The following XDH variants were observed in gnomAD, a reference collection of about 807,000 sequenced individuals.
XDH encodes xanthine dehydrogenase.
XDH carries 138 observed loss-of-function variants against 156.1 expected under a neutral mutation model. The observed-to-expected ratio is 0.88, with a 90% CI of 0.77 to 1.02. XDH has a LOEUF of 1.02. Ranked by LOEUF, XDH falls within the 50% of genes least tolerant of loss-of-function variation. The pLI, the probability that XDH is intolerant of heterozygous loss-of-function variation, is 0.00. For missense variants in XDH, 1,849 were observed against 1,684.9 expected (o/e 1.10, Z -1.71); for synonymous variants, 669 against 625.7 (o/e 1.07, Z -1.03).
intron 34 of XDH, 51 bp downstream of exon 34, chr2:31,339,437 GC>G: frequency 6.2e-7 from 1 of 1,611,870 alleles, no homozygotes; most frequent in Non-Finnish European, 8.5e-7. Context: ...ACCCGCTGGG[GC>G]CTCCCCCAGG....
intron 22 of XDH, among the ~76,000 whole-genome samples, 197 bp downstream of exon 22, chr2:31,365,779 T>C (rs1488876432): frequency 6.6e-6 from 1 of 152,178 alleles, no homozygotes; most frequent in Non-Finnish European, 1.5e-5. Flanking sequence ...CAGAGGTGGA[T>C]ACCTGTGCCA....
rs1200470634 is a variant in XDH at position 31,405,784 on chromosome 2, T to C, written c.100+123A>G. The C allele has an allele frequency of 7.7e-6, 8 of 1,044,736 alleles. 1 individual carries two copies. The Admixed American group carries it at 1.4e-4, about 18-fold the overall frequency. The allele number at this position is 1,044,736 out of a possible 1,614,324, so 64.7% of individuals were successfully genotyped here. A position where few individuals can be genotyped will look rare whatever the true frequency, so the allele number is the denominator to read the frequency against. ...AAAATGCAAGTGTCCCAAGTCCTAA[T>C]CCAGTGCTCTTTCCTCCACACCTCA... is the stretch of plus-strand genomic sequence containing the variant. On this transcript the variant is annotated intron_variant, in intron 2 of 35. Transcript: ENST00000379416.
intron 16 of XDH, among the ~76,000 whole-genome samples, chr2:31,373,325 A>G (rs998064107): frequency 3.9e-5 from 6 of 152,260 alleles, no homozygotes; most frequent in Non-Finnish European, 7.3e-5. Context: ...GGCCAACACA[A>G]GCCCACTGCC....
chr2:31,393,013 T>C (rs527572502), intron 6 of XDH, among the ~76,000 whole-genome samples: 2 of 152,356 alleles, frequency 1.3e-5, no homozygotes, highest in African/African-American at 4.8e-5. Context: ...TCTCTATTCA[T>C]GCAATTTAAA....
chr2:31,390,713 G>C (rs777272558), intron 6 of XDH, among the ~76,000 whole-genome samples: 4 of 152,176 alleles, frequency 2.6e-5, no homozygotes, highest in Non-Finnish European at 5.9e-5. Context: ...TAATAGACCT[G>C]TGGTGGTATT....
chr2:31,412,686 C>A (rs1345062311), intron 1 of XDH, among the ~76,000 whole-genome samples: 1 of 152,152 alleles, frequency 6.6e-6, no homozygotes, highest in Non-Finnish European at 1.5e-5. Flanking sequence ...CTACTTTGCA[C>A]AATTCCTGTA....
chr2:31,372,347 G>C lies in XDH; in HGVS notation c.1737C>G (p.Pro579=), dbSNP rs376148012. 8 of 1,614,054 alleles carry C rather than the reference G, an allele frequency of 5.0e-6. No individual in the cohort carries two copies. Among genetic ancestry groups the C allele is most frequent in the African/African-American group, 2.7e-5 (2 of 74,954 alleles). The change falls in exon 17 of 36, where the codon CCC becomes CCG. Residue 579 remains proline (P), a synonymous_variant. Coordinates refer to ENST00000379416, the MANE Select transcript of XDH (RefSeq NM_000379.4). ...SEEDMVGRPL[P]HLAADMQASG... is the part of the protein sequence containing the mutation. ...AGGCCTGCATGTCCGCTGCCAGGTG[G>C]GGCAGGGGCCGGCCCACCATGTCCT...
chr2:31,343,300 A>ATATATATATATATATATATATGCATGTT (rs1685174858), intron 31 of XDH, among the ~76,000 whole-genome samples: 2 of 112,506 alleles, frequency 1.8e-5, no homozygotes, highest in African/African-American at 7.0e-5. Flanking sequence ...ATATATATAT[A>ATATATATATATATATATATATGCATGTT]TATATATATA....
chr2:31,403,444 C>T (rs1687115528), intron 2 of XDH, among the ~76,000 whole-genome samples: 2 of 152,126 alleles, frequency 1.3e-5, no homozygotes, highest in Admixed American at 6.5e-5. Context: ...GTCCTAGAGC[C>T]TTCTCTTGGG....
At chr2:31,364,686 T>C (rs1392951451) in intron 23 of XDH, among the ~76,000 whole-genome samples, 1 of 152,148 alleles carries the variant, frequency 6.6e-6, no homozygotes, top group Admixed American at 6.5e-5. Context: ...TCCTTGACCT[T>C]ATGTACACTG....
At chr2:31,368,118 T>TCTTTCCCTAATCA in intron 19 of XDH, 61 bp from the exon 20 acceptor site, 1 of 1,469,262 alleles carries the variant, frequency 6.8e-7, no homozygotes, top group Non-Finnish European at 9.5e-7. Context: ...AGATAGGTTC[T>TCTTTCCCTAATCA]GATTAGGGAA....
At chr2:31,369,152 T>C (rs1572535584) in intron 18 of XDH, among the ~76,000 whole-genome samples, 1 of 152,104 alleles carries the variant, frequency 6.6e-6, no homozygotes, top group African/African-American at 2.4e-5. Context: ...CCCAGATTTA[T>C]ACCAAAAGCT....
At position 31,386,523 on chromosome 2, in the gene XDH, T is replaced by C. The variant is rs1327768118; in HGVS notation, c.684A>G (p.Arg228=). 1 of 1,614,104 alleles carries C rather than the reference T, an allele frequency of 6.2e-7. No individual in the cohort carries two copies. The highest frequency in any genetic ancestry group is 1.1e-5 in the South Asian group (1 of 91,076). ...TCCACGTCACACGCTCCCCTTCAAA[T>C]CGCAGCTGCTTCCGAGGAGTGTCTT... is the stretch of plus-strand genomic sequence containing the variant. ...RLKDTPRKQL[R]FEGERVTWIQ... is the part of the protein sequence containing the mutation. Residue 228 remains arginine (R), a synonymous_variant, in exon 9 of 36, where the codon CGA becomes CGG. Coordinates refer to ENST00000379416, the MANE Select transcript of XDH (RefSeq NM_000379.4).
intron 6 of XDH, among the ~76,000 whole-genome samples, chr2:31,393,149 A>G (rs1558311013): frequency 6.6e-6 from 1 of 152,192 alleles, no homozygotes; most frequent in Non-Finnish European, 1.5e-5. Flanking sequence ...ATTATATCCA[A>G]TTAATTGATG....
intron 4 of XDH, among the ~76,000 whole-genome samples, chr2:31,400,774 G>A (rs974689391): frequency 5.9e-5 from 9 of 152,188 alleles, no homozygotes; most frequent in African/African-American, 1.2e-4. Flanking sequence ...TACTATCTGC[G>A]GGTGGGAGGT....
intron 1 of XDH, among the ~76,000 whole-genome samples, chr2:31,407,414 G>A (rs1318927101): frequency 1.3e-5 from 2 of 152,168 alleles, no homozygotes; most frequent in Non-Finnish European, 2.9e-5. Context: ...AGCTGGCTTG[G>A]AGGTCTTTAA....
intron 5 of XDH, among the ~76,000 whole-genome samples, 162 bp downstream of exon 5, chr2:31,398,411 G>C (rs917624684): frequency 1.3e-5 from 2 of 152,228 alleles, no homozygotes; most frequent in Non-Finnish European, 2.9e-5. Context: ...CCAAGTAAGA[G>C]AGGGTTGGCT....
intron 33 of XDH, 39 bp from the exon 34 acceptor site, chr2:31,339,716 T>C: frequency 6.2e-7 from 1 of 1,609,310 alleles, no homozygotes; most frequent in Admixed American, 1.7e-5. Context: ...CCTGCCACCT[T>C]CTTCCCTGAG....
At chr2:31,379,500 G>A (rs1306141132) in intron 13 of XDH, among the ~76,000 whole-genome samples, 2 of 152,150 alleles carry the variant, frequency 1.3e-5, no homozygotes, top group Non-Finnish European at 2.9e-5. Context: ...TGGCTTCTAG[G>A]CATCACCAGG....
Sources: gnomAD v4.1 joint callset for allele counts (sites outside exome capture counted in the v4.1 genomes callset) on GRCh38, gnomAD v4.1.1 for gene constraint, MANE v1.5 for transcripts, NCBI Gene and HGNC (gene_info 2026-07-23, HGNC 2026-07-21) for gene names.